Variants in PHACTR4 observed in about 807,000 individuals in gnomAD.
PHACTR4 encodes the protein phosphatase and actin regulator 4, also known as protein phosphatase 1, regulatory subunit 124.
In PHACTR4, 51 loss-of-function variants were observed where a neutral mutation model predicts 72.7. The observed-to-expected ratio is 0.70, with a 90% CI of 0.56 to 0.89. The LOEUF (loss-of-function observed/expected upper bound fraction) is 0.89. Among genes scored for constraint, PHACTR4 ranks in the 40% least tolerant of loss-of-function variants. PHACTR4 has a pLI of 0.00. For synonymous variants in PHACTR4, 255 were observed against 302.5 expected, an observed-to-expected ratio of 0.84 and a Z score of 1.63; for missense variants, 731 against 861.8, an observed-to-expected ratio of 0.85 and a Z score of 1.90.
intron 2 of PHACTR4, among the ~76,000 whole-genome samples, chr1:28,417,894 G>A (rs866467174): frequency 4.7e-5 from 7 of 149,300 alleles, no homozygotes; most frequent in Admixed American, 2.0e-4. Flanking sequence ...CATACGGGAG[G>A]ATTGCTTGAG....
intron 2 of PHACTR4, among the ~76,000 whole-genome samples, chr1:28,410,952 C>G (rs1161535111): frequency 6.6e-6 from 1 of 152,012 alleles, no homozygotes; most frequent in Non-Finnish European, 1.5e-5. Flanking sequence ...GGTGATCCAC[C>G]CGCCGTGGCC....
Position 28,407,424 on chromosome 1 carries a change from C to T in PHACTR4, c.-24C>T, listed in dbSNP as rs780131339. The T allele has an allele frequency of 6.3e-7, 1 of 1,595,010 alleles. No individual in the cohort carries two copies. The highest frequency in any genetic ancestry group is 1.7e-5 in the Admixed American group (1 of 59,064). On this transcript the variant is annotated 5_prime_UTR_variant, in exon 2 of 14. Coordinates refer to ENST00000373839, the MANE Select transcript of PHACTR4 (RefSeq NM_001048183.3). ...TCTCTTTTTAGAAACAGTATCTCAC[C>T]TCCCTAAACTGGTTAATAGTGGCAT... is the stretch of plus-strand genomic sequence containing the variant.
chr1:28,484,526 ATG>A (rs1228863168), intron 9 of PHACTR4, among the ~76,000 whole-genome samples: 1 of 151,402 alleles, frequency 6.6e-6, no homozygotes, highest in Non-Finnish European at 1.5e-5. Context: ...ATGTGTATAT[ATG>A]TGTGTATGTG....
At chr1:28,404,028 G>A (rs1055195042) in intron 1 of PHACTR4, among the ~76,000 whole-genome samples, 2 of 152,078 alleles carry the variant, frequency 1.3e-5, no homozygotes, top group South Asian at 4.1e-4. Flanking sequence ...ATGAACATTT[G>A]TATACAAGTT....
At chr1:28,484,171 AT>A (rs1217636325) in intron 9 of PHACTR4, among the ~76,000 whole-genome samples, 1 of 152,102 alleles carries the variant, frequency 6.6e-6, no homozygotes, top group Non-Finnish European at 1.5e-5. Context: ...AAATACAAAA[AT>A]TAGCCAGGCG....
intron 2 of PHACTR4, among the ~76,000 whole-genome samples, chr1:28,442,239 G>A (rs941980510): frequency 1.1e-4 from 17 of 151,972 alleles, no homozygotes; most frequent in Non-Finnish European, 2.1e-4. Context: ...GGCCAAGGCG[G>A]GTGAATCACG....
At chr1:28,402,149 A>G (rs1276647801) in intron 1 of PHACTR4, among the ~76,000 whole-genome samples, 2 of 152,214 alleles carry the variant, frequency 1.3e-5, no homozygotes, top group Non-Finnish European at 2.9e-5. Context: ...TTGAACAACT[A>G]GAAAACTTAA....
At chr1:28,388,208 AG>A (rs1477916642) in intron 1 of PHACTR4, among the ~76,000 whole-genome samples, 3 of 152,160 alleles carry the variant, frequency 2.0e-5, no homozygotes, top group Non-Finnish European at 4.4e-5. Flanking sequence ...CACCAAAAAA[AG>A]ATGTCACATA....
intron 5 of PHACTR4, among the ~76,000 whole-genome samples, chr1:28,466,114 C>A (rs1659147657): frequency 6.6e-6 from 1 of 152,110 alleles, no homozygotes; most frequent in Non-Finnish European, 1.5e-5. Flanking sequence ...CATTCCACTT[C>A]TTTCACCCAA....
At chr1:28,488,527 C>T (rs1025910351) in intron 9 of PHACTR4, among the ~76,000 whole-genome samples, 12 of 152,008 alleles carry the variant, frequency 7.9e-5, no homozygotes, top group East Asian at 1.9e-4. Flanking sequence ...TAATGGCTTG[C>T]GCCTATAATC....
intron 1 of PHACTR4, among the ~76,000 whole-genome samples, chr1:28,383,471 C>T (rs1652342998): frequency 6.6e-6 from 1 of 152,094 alleles, no homozygotes; most frequent in South Asian, 2.1e-4. Flanking sequence ...ATTGATTCTT[C>T]CTATCCATAG....
Position 28,388,713 on chromosome 1 carries a change from G to C in PHACTR4, c.-38-18697G>C, listed in dbSNP as rs138901134. Among the ~76,000 whole-genome samples the C allele has an allele frequency of 3.1e-3, 472 of 152,278 alleles. 2 individuals carry two copies. Among genetic ancestry groups the C allele is most frequent in the African/African-American group, 0.01 (433 of 41,568 alleles). Reference sequence around the variant, plus strand: ...AAAAATACAAAAATTAGCTGGGCGTGGTGGTGTGCACCTGTAGTCCCAGCT... The same window carrying C: ...AAAAATACAAAAATTAGCTGGGCGTCGTGGTGTGCACCTGTAGTCCCAGCT... On this transcript the variant is annotated intron_variant, in intron 1 of 13. Coordinates refer to ENST00000373839, the MANE Select transcript of PHACTR4 (RefSeq NM_001048183.3).
intron 2 of PHACTR4, among the ~76,000 whole-genome samples, chr1:28,423,085 G>A (rs571193185): frequency 3.4e-4 from 52 of 152,016 alleles, no homozygotes; most frequent in African/African-American, 1.2e-3. Context: ...CACCACACCC[G>A]GCCTAAAACT....
intron 1 of PHACTR4, among the ~76,000 whole-genome samples, chr1:28,397,126 C>G (rs1329796448): frequency 6.6e-6 from 1 of 152,068 alleles, no homozygotes; most frequent in Non-Finnish European, 1.5e-5. Context: ...GGCTTTGAAT[C>G]ATGATAGAAT....
chr1:28,453,053 A>G (rs1250829682), intron 2 of PHACTR4, among the ~76,000 whole-genome samples: 1 of 152,128 alleles, frequency 6.6e-6, no homozygotes, highest in African/African-American at 2.4e-5. Flanking sequence ...CAGGAGGCAG[A>G]GGTTGTGGTG....
chr1:28,453,958 G>A (rs946077707), intron 2 of PHACTR4: 27 of 587,462 alleles, frequency 4.6e-5, no homozygotes, highest in Non-Finnish European at 7.2e-5. Context: ...GCACACGCCC[G>A]TAATCTTAGC....
chr1:28,419,443 G>A (rs576855961), intron 2 of PHACTR4, among the ~76,000 whole-genome samples: 12 of 151,766 alleles, frequency 7.9e-5, no homozygotes, highest in African/African-American at 2.9e-4. Flanking sequence ...TGTGTATATA[G>A]TGTAAAAAAC....
intron 1 of PHACTR4, among the ~76,000 whole-genome samples, chr1:28,405,742 T>C (rs898100900): frequency 6.6e-6 from 1 of 151,164 alleles, no homozygotes; most frequent in Non-Finnish European, 1.5e-5. Flanking sequence ...AATACAAAAA[T>C]TAGCTGGGCA....
chr1:28,447,373 AT>A (rs1657559955), intron 2 of PHACTR4, among the ~76,000 whole-genome samples: 1 of 148,602 alleles, frequency 6.7e-6, no homozygotes. Context: ...CAACCTACAT[AT>A]GTATTTCCTC....
Sources: gnomAD v4.1 joint callset for allele counts (sites outside exome capture counted in the v4.1 genomes callset) on GRCh38, gnomAD v4.1.1 for gene constraint, MANE v1.5 for transcripts, NCBI Gene and HGNC (gene_info 2026-07-23, HGNC 2026-07-21) for gene names.